RET: variants seen among roughly 807,000 people sequenced by gnomAD.
The protein encoded by RET is proto-oncogene tyrosine-protein kinase receptor Ret.
RET carries 19 observed loss-of-function variants against 118.3 expected under a neutral mutation model. The ratio of observed to expected loss-of-function variants is 0.16; its 90% CI spans 0.11 to 0.24. RET has a LOEUF of 0.24. RET is among the 10% of genes least tolerant of loss of function. The pLI is 1.00. For synonymous variants in RET, 597 were observed against 644.1 expected (o/e 0.93, Z 1.11); for missense variants, 1,219 against 1,502.1 (o/e 0.81, Z 3.12).
In RET at chr10:43,128,409, T is replaced by G. The variant is rs866607851; in HGVS notation, c.*140T>G. The G allele has an allele frequency of 6.2e-6, 6 of 961,290 alleles. No homozygotes were observed. The highest frequency in any genetic ancestry group is 4.2e-4 in the Middle Eastern group (2 of 4,810). 59.5% of individuals were successfully genotyped at this position (961,290 alleles called of 1,614,324 possible). On this transcript the variant is annotated 3_prime_UTR_variant, in exon 20 of 20. Coordinates refer to ENST00000355710, the MANE Select transcript of RET (RefSeq NM_020975.6). ...GGTGGCAGACTCGTTTTTGGTAGTT[T>G]GTTTTAACTTCCAAGGTGGTTTTAC...
chr10:43,112,935 C>G lies in RET; in HGVS notation c.1731C>G (p.Asp577Glu), dbSNP rs1554818709. The G allele has an allele frequency of 6.2e-7, 1 of 1,614,178 alleles. No individual in the cohort carries two copies. Among genetic ancestry groups the G allele is most frequent in the Non-Finnish European group, 8.5e-7 (1 of 1,180,004 alleles). The change falls in exon 9 of 20, where the codon GAC (aspartate) becomes GAG (glutamate). Residue 577 changes from aspartate to glutamate, a missense_variant. Coordinates refer to ENST00000355710, the MANE Select transcript of RET (RefSeq NM_020975.6). ...ACTGCGATGTTGTGGAGACCCAAGA[C>G]ATCAACATTTGCCCTCAGGACTGCC... Reference protein sequence around the residue: ...DGHCDVVETQDINICPQDCLR... With the variant: ...DGHCDVVETQEINICPQDCLR...
chr10:43,087,807 T>C (rs1837321647), intron 1 of RET, among the ~76,000 whole-genome samples: 1 of 152,166 alleles, frequency 6.6e-6, no homozygotes, highest in Admixed American at 6.5e-5. Flanking sequence ...TTAGTGTAGG[T>C]TAAACCTGGC....
intron 5 of RET, among the ~76,000 whole-genome samples, chr10:43,108,369 C>T (rs550053384): frequency 6.6e-6 from 1 of 152,210 alleles, no homozygotes; most frequent in East Asian, 1.9e-4. Flanking sequence ...GTTTCTTAAC[C>T]CTTGCCTGGC....
chr10:43,122,306 G>A (rs2132991455), intron 16 of RET, among the ~76,000 whole-genome samples: 1 of 152,304 alleles, frequency 6.6e-6, no homozygotes, highest in South Asian at 2.1e-4. Context: ...CTAGTCCCAT[G>A]CCTCCCTCTG....
In RET at chr10:43,092,452, A is replaced by G. The variant is rs541866803; in HGVS notation, c.74-8007A>G. ...GAATTGTACACTTAAAAATTTTAAG[A>G]TGATAAAGTTCATGTGTATTTTACC... On this transcript the variant is annotated intron_variant, in intron 1 of 19. Coordinates refer to ENST00000355710, the MANE Select transcript of RET (RefSeq NM_020975.6). Among the ~76,000 whole-genome samples, 7 of 152,392 alleles carry G rather than the reference A, an allele frequency of 4.6e-5. No individual in the cohort carries two copies. The East Asian group carries it at 1.3e-3, about 29-fold the overall frequency.
chr10:43,081,374 C>G (rs1374238178), intron 1 of RET, among the ~76,000 whole-genome samples: 1 of 152,232 alleles, frequency 6.6e-6, no homozygotes, highest in African/African-American at 2.4e-5. Flanking sequence ...GAGGGAGCCT[C>G]GGCTCCTGCC....
At chr10:43,112,814 C>A in intron 8 of RET, 39 bp from the exon 9 acceptor site, 1 of 1,554,236 alleles carries the variant, frequency 6.4e-7, no homozygotes, top group Non-Finnish European at 8.9e-7. Flanking sequence ...TGTGGCGGGG[C>A]TCCCACATGG....
intron 13 of RET, among the ~76,000 whole-genome samples, chr10:43,118,770 G>A (rs915323899): frequency 2.6e-5 from 4 of 152,214 alleles, no homozygotes; most frequent in Admixed American, 6.5e-5. Context: ...CACCCAGTTC[G>A]GGGCTGGGCC....
chr10:43,119,514 CCT>C lies in RET; in HGVS notation c.2393-11_2393-10del. Reference sequence around the variant, plus strand: ...TGCCTGACCCGCACGCCCAGGGCCCCCTCTCTCCGCCCCCAGGCCCGCTCCTC... The same window carrying C: ...TGCCTGACCCGCACGCCCAGGGCCCCCTCTCCGCCCCCAGGCCCGCTCCTC... On this transcript the variant is annotated splice_polypyrimidine_tract_variant and intron_variant, in intron 13 of 19. Transcript: ENST00000355710. The C allele has an allele frequency of 6.3e-7, 1 of 1,583,770 alleles. No homozygotes were observed.
chr10:43,111,056 AG>A (rs1231188222), intron 6 of RET, 150 bp from the exon 7 acceptor site: 16 of 1,045,908 alleles, frequency 1.5e-5, no homozygotes, highest in Non-Finnish European at 2.3e-5. Flanking sequence ...GAAGGCTCTG[AG>A]GGGTGGAGGA....
In RET at chr10:43,119,523, G is replaced by T. The variant is rs376151644; in HGVS notation, c.2393-8G>T. ...CGCACGCCCAGGGCCCCCTCTCTCC[G>T]CCCCCAGGCCCGCTCCTCCTCATCG... On this transcript the variant is annotated splice_region_variant and splice_polypyrimidine_tract_variant and intron_variant, in intron 13 of 19. Transcript: ENST00000355710. The T allele has an allele frequency of 1.3e-6, 2 of 1,589,158 alleles. No individual in the cohort carries two copies. The highest frequency in any genetic ancestry group is 1.7e-6 in the Non-Finnish European group (2 of 1,171,350).
chr10:43,113,520 GC>G, intron 9 of RET, 35 bp from the exon 10 acceptor site: 1 of 1,579,274 alleles, frequency 6.3e-7, no homozygotes, highest in Non-Finnish European at 8.6e-7. Context: ...GTGGTCAGGC[GC>G]CCCAGGAGGC....
chr10:43,079,447 C>A (rs1318579287), intron 1 of RET, among the ~76,000 whole-genome samples: 1 of 152,210 alleles, frequency 6.6e-6, no homozygotes. Flanking sequence ...CTAAAAGTTA[C>A]ATTCATTTAA....
chr10:43,079,148 T>C (rs1354823320), intron 1 of RET, among the ~76,000 whole-genome samples: 1 of 152,038 alleles, frequency 6.6e-6, no homozygotes, highest in Non-Finnish European at 1.5e-5. Flanking sequence ...ACAGACTGGG[T>C]CTCTAGAGGA....
At chr10:43,092,106 A>G (rs1837424020) in intron 1 of RET, among the ~76,000 whole-genome samples, 1 of 152,264 alleles carries the variant, frequency 6.6e-6, no homozygotes, top group Admixed American at 6.5e-5. Context: ...TGACCAATGA[A>G]TGGATAAGCA....
At chr10:43,101,864 A>G (rs1837648407) in intron 2 of RET, among the ~76,000 whole-genome samples, 1 of 152,252 alleles carries the variant, frequency 6.6e-6, no homozygotes, top group African/African-American at 2.4e-5. Context: ...CCGCCCACCT[A>G]GGGCTGAGAT....
chr10:43,080,564 T>C (rs1354230927), intron 1 of RET, among the ~76,000 whole-genome samples: 1 of 152,212 alleles, frequency 6.6e-6, no homozygotes, highest in Non-Finnish European at 1.5e-5. Flanking sequence ...GCCAGTGGTG[T>C]GGGTCCAGGG....
chr10:43,101,312 A>G (rs1837638224), intron 2 of RET, among the ~76,000 whole-genome samples: 2 of 152,196 alleles, frequency 1.3e-5, no homozygotes, highest in Admixed American at 6.5e-5. Context: ...TCCCATCCCT[A>G]GCACCCCTCC....
intron 3 of RET, chr10:43,102,918 A>C (rs1393749358): frequency 1.8e-5 from 9 of 513,850 alleles, no homozygotes; most frequent in Non-Finnish European, 3.2e-5. Context: ...TTCTGGAAGG[A>C]GCTAGCTGGG....
Sources: gnomAD v4.1 joint callset for allele counts (sites outside exome capture counted in the v4.1 genomes callset) on GRCh38, gnomAD v4.1.1 for gene constraint, MANE v1.5 for transcripts, NCBI Gene and HGNC (gene_info 2026-07-23, HGNC 2026-07-21) for gene names.